The following FAM228B variants were observed in gnomAD, a reference collection of about 807,000 sequenced individuals.
The protein encoded by FAM228B is protein FAM228B.
FAM228B carries 38 observed loss-of-function variants against 42.6 expected under a neutral mutation model. The ratio of observed to expected loss-of-function variants is 0.89; its 90% CI spans 0.69 to 1.17. The LOEUF (loss-of-function observed/expected upper bound fraction) is 1.17, where lower values mean the gene tolerates loss of function less well. Among genes scored for constraint, FAM228B ranks in the 50% most tolerant of loss-of-function variants. The pLI is 0.00. For synonymous variants in FAM228B, 109 were observed against 122.3 expected, an observed-to-expected ratio of 0.89 and a Z score of 0.72; for missense variants, 344 against 367.3, an observed-to-expected ratio of 0.94 and a Z score of 0.52.
intron 8 of FAM228B, among the ~76,000 whole-genome samples, chr2:24,163,239 G>C (rs1057426239): frequency 2.0e-5 from 3 of 152,192 alleles, no homozygotes; most frequent in Admixed American, 2.0e-4. Context: ...TTCAGAATTT[G>C]TTGAATAAAT....
At chr2:24,150,506 C>G (rs1043632452) in intron 7 of FAM228B, among the ~76,000 whole-genome samples, 6 of 152,090 alleles carry the variant, frequency 3.9e-5, no homozygotes, top group African/African-American at 1.2e-4. Context: ...CTCACTGCAA[C>G]CTCTGCCTCC....
chr2:24,129,922 C>G (rs1193372994), intron 2 of FAM228B, among the ~76,000 whole-genome samples: 2 of 151,552 alleles, frequency 1.3e-5, no homozygotes, highest in Non-Finnish European at 2.9e-5. Flanking sequence ...GGTTTTAAGC[C>G]CTGCATGCAT....
chr2:24,119,813 C>T (rs78075603), upstream of FAM228B: 1,110 of 610,870 alleles, frequency 1.8e-3, 6 homozygotes, highest in African/African-American at 0.015. Flanking sequence ...ATACATATTC[C>T]GTATATATTT....
intron 2 of FAM228B, chr2:24,083,292 G>A: frequency 3.7e-6 from 4 of 1,095,214 alleles, no homozygotes; most frequent in African/African-American, 1.6e-5. Context: ...TAAGTAAGGA[G>A]AAGAAAAAGG....
At chr2:24,092,490 G>A (rs901831208) in intron 2 of FAM228B, among the ~76,000 whole-genome samples, 1 of 151,246 alleles carries the variant, frequency 6.6e-6, no homozygotes, top group Admixed American at 6.6e-5. Flanking sequence ...CAGGAGACTC[G>A]CTTGAGCCTG....
intron 3 of FAM228B, among the ~76,000 whole-genome samples, chr2:24,107,001 A>C (rs1326349331): frequency 6.6e-6 from 1 of 152,226 alleles, no homozygotes; most frequent in Non-Finnish European, 1.5e-5. Context: ...ATAAAAAAGC[A>C]AGACCCAATA....
intron 3 of FAM228B, among the ~76,000 whole-genome samples, chr2:24,101,572 G>A (rs1490633372): frequency 6.6e-6 from 1 of 152,076 alleles, no homozygotes; most frequent in Non-Finnish European, 1.5e-5. Flanking sequence ...CTTAATGATG[G>A]TAGGGCTGAA....
chr2:24,091,527 A>G (rs74771270), intron 2 of FAM228B, among the ~76,000 whole-genome samples: 1 of 152,260 alleles, frequency 6.6e-6, no homozygotes, highest in Non-Finnish European at 1.5e-5. Flanking sequence ...AGATAATGAG[A>G]TAATTTGTAA....
rs1558363354 is a variant in FAM228B, at chr2:24,084,402, AGGACAGGACAGGGCAG to A, written c.-210+3450_-210+3465del. 79 of 1,452,216 alleles carry A rather than the reference AGGACAGGACAGGGCAG, an allele frequency of 5.4e-5. No individual in the cohort carries two copies. The highest frequency in any genetic ancestry group is 1.8e-4 in the Admixed American group (9 of 49,718). The allele number at this position is 1,452,216 out of a possible 1,614,324, so 90.0% of individuals were successfully genotyped here. A position where few individuals can be genotyped will look rare whatever the true frequency, so the allele number is the denominator to read the frequency against. On this transcript the variant is annotated intron_variant, in intron 2 of 10. Transcript: ENST00000613899. The surrounding 1 kb of genome is among the most constrained non-coding windows in gnomAD (Gnocchi z 8.4). ...AGGGCAGGACAGGACAGGGCAGGGC[AGGACAGGACAGGGCAG>A]GGGCCGCTGTATCCTCGCGGAGCAG...
intron 1 of FAM228B, chr2:24,079,397 C>T: frequency 6.3e-7 from 1 of 1,594,292 alleles, no homozygotes; most frequent in African/African-American, 1.3e-5. Flanking sequence ...AAATGAACCA[C>T]ACTTTTCTGG....
intron 3 of FAM228B, among the ~76,000 whole-genome samples, chr2:24,112,928 C>G (rs1429556102): frequency 6.6e-6 from 1 of 152,208 alleles, no homozygotes; most frequent in East Asian, 1.9e-4. Flanking sequence ...ATACTCTTTA[C>G]TCTCTTCCAT....
At chr2:24,082,884 C>T (rs747915098) in intron 2 of FAM228B, 2 of 1,601,646 alleles carry the variant, frequency 1.2e-6, no homozygotes, top group Non-Finnish European at 1.7e-6. Context: ...GGCCTCCTCA[C>T]CCACAAGATG....
At chr2:24,117,428 C>T (rs1413396557) in intron 3 of FAM228B, among the ~76,000 whole-genome samples, 2 of 151,044 alleles carry the variant, frequency 1.3e-5, no homozygotes, top group East Asian at 3.9e-4. Context: ...TTTAAATGGT[C>T]ATAGTTCTTC....
At chr2:24,155,784 G>T (rs534647766) in intron 7 of FAM228B, among the ~76,000 whole-genome samples, 4 of 151,684 alleles carry the variant, frequency 2.6e-5, no homozygotes, top group African/African-American at 7.3e-5. Flanking sequence ...CAGGTGATCC[G>T]CTGCCTTGGC....
chr2:24,099,162 C>T (rs1460545752), intron 3 of FAM228B, among the ~76,000 whole-genome samples: 4 of 152,102 alleles, frequency 2.6e-5, no homozygotes, highest in Non-Finnish European at 5.9e-5. Context: ...TATGACAACC[C>T]CCAGCCAATA....
Position 24,135,977 on chromosome 2 carries a change from T to G in FAM228B, c.168+790T>G, listed in dbSNP as rs1159812166. 3.2e-5 allele frequency among the ~76,000 whole-genome samples: 3 copies of G among 94,612 alleles called. 1 individual carries two copies. The highest frequency in any genetic ancestry group is 6.8e-5 in the Non-Finnish European group (3 of 44,242). 62.1% of individuals were successfully genotyped at this position (94,612 alleles called of 152,430 possible). ...TCTGAAGGTCAGTTATAGTGAAGGG[T>G]TTTTTTTTTTTTTTTTTCCATAGAA... On this transcript the variant is annotated intron_variant, in intron 3 of 10. Transcript: ENST00000615575.
At chr2:24,121,127 C>CGTAA (rs1666101643), upstream of FAM228B, 3 of 1,608,622 alleles carry the variant, frequency 1.9e-6, no homozygotes, top group Non-Finnish European at 2.5e-6. Flanking sequence ...AAATTCTTTT[C>CGTAA]TTTTACTCAG....
intron 7 of FAM228B, among the ~76,000 whole-genome samples, chr2:24,149,426 G>C (rs1396683897): frequency 6.6e-6 from 1 of 152,114 alleles, no homozygotes. Flanking sequence ...TTTTAACTGG[G>C]AAGAGATGAT....
intron 8 of FAM228B, among the ~76,000 whole-genome samples, chr2:24,162,843 T>C (rs970092316): frequency 1.3e-5 from 2 of 152,136 alleles, no homozygotes; most frequent in African/African-American, 4.8e-5. Context: ...ATATAGTATG[T>C]TTTTTTATAC....
Sources: allele counts gnomAD v4.1 joint callset (sites outside exome capture counted in the v4.1 genomes callset), GRCh38; gene constraint gnomAD v4.1.1; non-coding constraint Gnocchi (gnomAD v3.1); transcripts MANE v1.5; gene names NCBI Gene and HGNC (gene_info 2026-07-23, HGNC 2026-07-21).